RBM47: variants seen among roughly 807,000 people sequenced by gnomAD.
RBM47 encodes RNA-binding protein 47.
In RBM47, 21 loss-of-function variants were observed where a neutral mutation model predicts 47.1. The ratio of observed to expected loss-of-function variants is 0.45; its 90% CI spans 0.32 to 0.64. The LOEUF is 0.64. RBM47 is among the 30% of genes least tolerant of loss of function. The pLI, the probability that RBM47 is intolerant of heterozygous loss-of-function variation, is 0.05. For synonymous variants in RBM47, 375 were observed against 361.7 expected, an observed-to-expected ratio of 1.04 and a Z score of -0.42; for missense variants, 708 against 870.9, an observed-to-expected ratio of 0.81 and a Z score of 2.35.
intron 5 of RBM47, among the ~76,000 whole-genome samples, chr4:40,436,206 A>AC (rs142373140): frequency 0.058 from 8,300 of 143,300 alleles, 293 homozygotes; most frequent in Middle Eastern, 0.073. Context: ...AAACAAACAA[A>AC]AAAAAACCTT....
chr4:40,493,934 G>A (rs1010069948), intron 2 of RBM47, among the ~76,000 whole-genome samples: 40 of 152,074 alleles, frequency 2.6e-4, no homozygotes, highest in African/African-American at 8.9e-4. Context: ...GTGAGACCCT[G>A]TCTCAAAAAT....
intron 1 of RBM47, among the ~76,000 whole-genome samples, chr4:40,609,997 C>A (rs138411214): frequency 0.019 from 2,965 of 152,124 alleles, 84 homozygotes; most frequent in African/African-American, 0.067. Context: ...GAGGCTGAGG[C>A]AGGAGAATTG....
intron 1 of RBM47, among the ~76,000 whole-genome samples, chr4:40,545,950 A>T (rs181921708): frequency 6.6e-5 from 10 of 152,210 alleles, no homozygotes; most frequent in Non-Finnish European, 1.3e-4. Flanking sequence ...ACACAGAGAA[A>T]ATGTTCAATG....
chr4:40,571,477 T>A (rs1731702736), intron 1 of RBM47, among the ~76,000 whole-genome samples: 1 of 151,992 alleles, frequency 6.6e-6, no homozygotes, highest in Non-Finnish European at 1.5e-5. Context: ...AATATTGAAA[T>A]GTGAAAAATT....
chr4:40,605,027 T>TGTTGTC (rs1267614417), intron 1 of RBM47, among the ~76,000 whole-genome samples: 2 of 151,498 alleles, frequency 1.3e-5, no homozygotes, highest in Admixed American at 6.6e-5. Context: ...TTGTTGTTGT[T>TGTTGTC]GTTGTCGTGG....
intron 1 of RBM47, among the ~76,000 whole-genome samples, chr4:40,588,474 C>A (rs1044522140): frequency 1.3e-5 from 2 of 152,188 alleles, no homozygotes; most frequent in African/African-American, 4.8e-5. Flanking sequence ...GTGTTAGGGT[C>A]AGGGAGCAAG....
intron 2 of RBM47, among the ~76,000 whole-genome samples, chr4:40,489,870 AAT>A (rs1458782443): frequency 8.5e-5 from 13 of 152,240 alleles, no homozygotes; most frequent in African/African-American, 3.1e-4. Context: ...ATGACAAATC[AAT>A]ATGTCTTATG....
chr4:40,561,544 C>CTTTTCTTT (rs1560470026), intron 1 of RBM47, among the ~76,000 whole-genome samples: 3 of 124,576 alleles, frequency 2.4e-5, no homozygotes, highest in Admixed American at 8.0e-5. Flanking sequence ...TTCTTCTTTT[C>CTTTTCTTT]TTTTTTTTTT....
chr4:40,480,875 A>G (rs1178938787), intron 2 of RBM47, among the ~76,000 whole-genome samples: 1 of 152,198 alleles, frequency 6.6e-6, no homozygotes, highest in Non-Finnish European at 1.5e-5. Context: ...TACATATTGA[A>G]TGCTGGTGGA....
chr4:40,432,946 A>T, intron 5 of RBM47, 84 bp from the exon 6 acceptor site: 2 of 1,502,662 alleles, frequency 1.3e-6, no homozygotes, highest in Non-Finnish European at 1.8e-6. Flanking sequence ...GATATTTTTT[A>T]TTTTTATTTT....
intron 1 of RBM47, among the ~76,000 whole-genome samples, chr4:40,621,517 A>T (rs1449765807): frequency 6.6e-6 from 1 of 152,232 alleles, no homozygotes; most frequent in Non-Finnish European, 1.5e-5. Flanking sequence ...TACCTAATTG[A>T]GCTCTGCAGC....
At chr4:40,541,558 G>A (rs1728545149) in intron 2 of RBM47, among the ~76,000 whole-genome samples, 2 of 151,930 alleles carry the variant, frequency 1.3e-5, no homozygotes, top group South Asian at 2.1e-4. Context: ...CCAACATGGT[G>A]AAAACCCCAT....
At chr4:40,616,345 C>G (rs956163410) in intron 1 of RBM47, among the ~76,000 whole-genome samples, 9 of 138,480 alleles carry the variant, frequency 6.5e-5, no homozygotes, top group Admixed American at 3.1e-4. Flanking sequence ...CAGAGCGAGA[C>G]TCTGTCTCAA....
intron 2 of RBM47, among the ~76,000 whole-genome samples, chr4:40,528,387 G>A (rs570881825): frequency 1.3e-5 from 2 of 148,824 alleles, no homozygotes; most frequent in Non-Finnish European, 3.0e-5. Flanking sequence ...GCAGCCTGGC[G>A]ACAGAGTGAG....
chr4:40,461,035 T>G (rs1016384920), intron 3 of RBM47, among the ~76,000 whole-genome samples: 2 of 152,034 alleles, frequency 1.3e-5, no homozygotes, highest in Non-Finnish European at 2.9e-5. Flanking sequence ...CTACATTAAT[T>G]AAAGAAACTC....
chr4:40,608,580 CTTTT>C lies in RBM47; in HGVS notation c.-240+20812_-240+20815del, dbSNP rs541717659. Among the ~76,000 whole-genome samples, 19 of 152,306 alleles carry C rather than the reference CTTTT, an allele frequency of 1.2e-4. No individual in the cohort carries two copies. In the South Asian group the frequency reaches 3.9e-3, roughly 32 times the overall value. On this transcript the variant is annotated intron_variant, in intron 1 of 6. Coordinates refer to ENST00000295971, the MANE Select transcript of RBM47 (RefSeq NM_001098634.2). ...ACGAAATAGCAATAAAAAGCCCTTT[CTTTT>C]GTCAATGAGAGTGAAACAAGCTTAG...
At chr4:40,529,776 C>T (rs1357918710) in intron 2 of RBM47, among the ~76,000 whole-genome samples, 4 of 149,108 alleles carry the variant, frequency 2.7e-5, no homozygotes, top group Non-Finnish European at 5.9e-5. Flanking sequence ...TTGCAGTGAG[C>T]CGAGATTGTG....
At position 40,437,919 on chromosome 4, in the gene RBM47, C is replaced by A; in HGVS notation, c.975G>T (p.Ser325=). 6.2e-7 allele frequency: 1 copy of A among 1,613,860 alleles called. No homozygotes were observed. The highest frequency in any genetic ancestry group is 1.3e-5 in the African/African-American group (1 of 75,074). The change falls in exon 4 of 7, where the codon TCG becomes TCT. Residue 325 remains serine (S), a synonymous_variant. Transcript: ENST00000295971. The part of the protein sequence containing the change: ...LAKPVDKEQY[S]RYQKAARGGG... ...CGCCCCTGGCTGCCTTCTGGTAGCG[C>A]GAGTACTGCTCCTTGTCCACGGGCT...
At position 40,431,537 on chromosome 4, in the gene RBM47, A is replaced by G. The variant is rs557668807; in HGVS notation, c.1542+1114T>C. Among the ~76,000 whole-genome samples the G allele has an allele frequency of 2.0e-5, 3 of 152,160 alleles. No individual in the cohort carries two copies. The South Asian group carries it at 6.2e-4, about 32-fold the overall frequency. The stretch of plus-strand genomic sequence containing the variant: ...GCCGGGCATGGTGGCGTGCGCCTGT[A>G]GTCCCAGCTACTCGGGAGGCTGAGG... On this transcript the variant is annotated intron_variant, in intron 6 of 6. Coordinates refer to ENST00000295971, the MANE Select transcript of RBM47 (RefSeq NM_001098634.2).
Sources: allele counts gnomAD v4.1 joint callset (sites outside exome capture counted in the v4.1 genomes callset), GRCh38; gene constraint gnomAD v4.1.1; transcripts MANE v1.5; gene names NCBI Gene and HGNC (gene_info 2026-07-23, HGNC 2026-07-21).